The following GLDN variants were observed in gnomAD, a reference collection of about 807,000 sequenced individuals.
GLDN encodes the protein gliomedin, also known as collomin.
Under a neutral mutation model 56.5 loss-of-function variants are expected in GLDN, and 47 were observed. The observed-to-expected ratio is 0.83, with a 90% CI of 0.66 to 1.06. The LOEUF is 1.06. Among genes scored for constraint, GLDN ranks in the 50% least tolerant of loss-of-function variants. GLDN has a pLI of 0.00. For synonymous variants in GLDN, 332 were observed against 278.8 expected, an observed-to-expected ratio of 1.19 and a Z score of -1.90; for missense variants, 782 against 714.3, an observed-to-expected ratio of 1.09 and a Z score of -1.08.
chr15:51,358,059 G>T (rs145241543), intron 1 of GLDN, among the ~76,000 whole-genome samples: 12 of 152,304 alleles, frequency 7.9e-5, no homozygotes, highest in African/African-American at 2.9e-4. Context: ...ACTTACTCCA[G>T]ATTATAGAGG....
intron 1 of GLDN, among the ~76,000 whole-genome samples, chr15:51,351,348 C>G (rs1416742377): frequency 2.0e-5 from 3 of 152,166 alleles, no homozygotes; most frequent in African/African-American, 7.2e-5. Flanking sequence ...CTGCCTTTCC[C>G]TCAATCTTCC....
chr15:51,394,255 C>T (rs56673941), intron 4 of GLDN, among the ~76,000 whole-genome samples: 5,794 of 152,286 alleles, frequency 0.038, 193 homozygotes, highest in African/African-American at 0.091. Flanking sequence ...ACTGTTGCTG[C>T]CATCGCCCCC....
At chr15:51,383,669 G>C in intron 3 of GLDN, 116 bp from the exon 4 acceptor site, 1 of 939,876 alleles carries the variant, frequency 1.1e-6, no homozygotes, top group Non-Finnish European at 1.6e-6. Context: ...GGGAAAGGAT[G>C]TGGAAAAGGA....
chr15:51,391,843 T>C (rs1182378756), intron 4 of GLDN, among the ~76,000 whole-genome samples: 1 of 152,256 alleles, frequency 6.6e-6, no homozygotes, highest in Non-Finnish European at 1.5e-5. Context: ...GCTCCCCCAG[T>C]TCCACTGGAC....
intron 4 of GLDN, among the ~76,000 whole-genome samples, chr15:51,391,650 G>A (rs1176931641): frequency 6.6e-6 from 1 of 152,200 alleles, no homozygotes; most frequent in Non-Finnish European, 1.5e-5. Context: ...CACCAAGATG[G>A]CCTGATGACT....
In GLDN at chr15:51,404,662, T is replaced by A. The variant is rs752106265; in HGVS notation, c.1564T>A (p.Tyr522Asn). 2 of 1,611,846 alleles carry A rather than the reference T, an allele frequency of 1.2e-6. No individual in the cohort carries two copies. Among genetic ancestry groups the A allele is most frequent in the Non-Finnish European group, 1.7e-6 (2 of 1,177,842 alleles). The change falls in exon 10 of 10, where the codon TAC becomes AAC. Residue 522 changes from tyrosine (Y) to asparagine (N), a missense_variant. By Grantham distance (143) the Tyr-to-Asn change is moderately radical. Transcript: ENST00000335449. ...TSQSVLAMLA[Y>N]NMRDQHLYSW... ...CCAGTCTGTTCTTGCCATGTTAGCATACAACATGAGAGATCAGCATTTATA... is the reference window on the plus strand; with the variant it reads ...CCAGTCTGTTCTTGCCATGTTAGCAAACAACATGAGAGATCAGCATTTATA...
chr15:51,353,209 C>T (rs1325269170), intron 1 of GLDN, among the ~76,000 whole-genome samples: 1 of 152,000 alleles, frequency 6.6e-6, no homozygotes, highest in African/African-American at 2.4e-5. Flanking sequence ...TCATCCCTGA[C>T]CCAACCAATC....
At chr15:51,391,105 A>G (rs1249561839) in intron 4 of GLDN, among the ~76,000 whole-genome samples, 1 of 152,228 alleles carries the variant, frequency 6.6e-6, no homozygotes, top group Non-Finnish European at 1.5e-5. Context: ...GGCAGACTCT[A>G]TGTAGACAAA....
chr15:51,342,942 G>A (rs1303854868), intron 1 of GLDN, among the ~76,000 whole-genome samples: 2 of 152,198 alleles, frequency 1.3e-5, no homozygotes, highest in Non-Finnish European at 1.5e-5. Flanking sequence ...TTGTTTTCCA[G>A]TGTTAAGTTT....
At position 51,404,833 on chromosome 15, in the gene GLDN, T is replaced by G; in HGVS notation, c.*79T>G. The stretch of plus-strand genomic sequence containing the variant: ...CTCCCCCAACAGGAAACTTGTTTTT[T>G]TAACGTCAGCCAGATATTTAGAAAA... On this transcript the variant is annotated 3_prime_UTR_variant, in exon 10 of 10. Coordinates refer to ENST00000335449, the MANE Select transcript of GLDN (RefSeq NM_181789.4). 5.4e-6 allele frequency: 4 copies of G among 734,100 alleles called. No individual in the cohort carries two copies. The highest frequency in any genetic ancestry group is 9.4e-6 in the Non-Finnish European group (4 of 425,480). The allele number at this position is 734,100 out of a possible 1,614,324, so 45.5% of individuals were successfully genotyped here.
chr15:51,363,653 T>C (rs1407039837), intron 1 of GLDN, among the ~76,000 whole-genome samples: 4 of 151,842 alleles, frequency 2.6e-5, no homozygotes, highest in Non-Finnish European at 5.9e-5. Context: ...CAATAGATAA[T>C]AGGACCCTAA....
chr15:51,364,450 G>A (rs1463890466), intron 1 of GLDN, among the ~76,000 whole-genome samples: 2 of 152,088 alleles, frequency 1.3e-5, no homozygotes, highest in South Asian at 2.1e-4. Context: ...CACAATCATA[G>A]CTCACTGCAG....
Position 51,404,717 on chromosome 15 carries a change from A to C in GLDN, c.1619A>C (p.Tyr540Ser), listed in dbSNP as rs1340069788. 6.2e-7 allele frequency: 1 copy of C among 1,607,946 alleles called. No individual in the cohort carries two copies. ...YSWEDGHLML[Y>S]PVQFLSTTLN... ...TGGGAAGATGGCCATTTAATGCTTT[A>C]TCCTGTGCAGTTTTTGTCAACTACC... is the stretch of plus-strand genomic sequence containing the variant. The change falls in exon 10 of 10, where the codon TAT becomes TCT. Residue 540 changes from tyrosine to serine, a missense_variant. Coordinates refer to ENST00000335449, the MANE Select transcript of GLDN (RefSeq NM_181789.4).
chr15:51,361,266 T>C (rs937649602), intron 1 of GLDN, among the ~76,000 whole-genome samples: 1 of 152,236 alleles, frequency 6.6e-6, no homozygotes, highest in African/African-American at 2.4e-5. Flanking sequence ...TTCTACAATT[T>C]TGGCCTCTAA....
intron 1 of GLDN, chr15:51,368,912 A>G (rs12442627): frequency 0.12 from 17,758 of 152,210 alleles, 1,969 homozygotes; most frequent in African/African-American, 0.29. Flanking sequence ...GCAGGGAATC[A>G]GTAAGAGCTA....
chr15:51,353,734 A>AAAAAAAAAAC lies in GLDN; in HGVS notation c.363+11687_363+11688insAAAAAAAAAC, dbSNP rs60404846. Among the ~76,000 whole-genome samples, 41 of 128,876 alleles carry AAAAAAAAAAC rather than the reference A, an allele frequency of 3.2e-4. 4 individuals carry two copies. The East Asian group carries it at 8.9e-3, about 28-fold the overall frequency. The allele number at this position is 128,876 out of a possible 152,430, so 84.5% of individuals were successfully genotyped here. On this transcript the variant is annotated intron_variant, in intron 1 of 9. Coordinates refer to ENST00000335449, the MANE Select transcript of GLDN (RefSeq NM_181789.4). Reference sequence around the variant, plus strand: ...TTGATTAAAAAAAAAAAAAAAAAAAACCACAGTCAATTAAAAAAAAAAAAA... The same window carrying AAAAAAAAAAC: ...TTGATTAAAAAAAAAAAAAAAAAAAAAAAAAAAAACCCACAGTCAATTAAAAAAAAAAAAA...
At chr15:51,372,861 C>A (rs901439979) in intron 1 of GLDN, among the ~76,000 whole-genome samples, 2 of 152,102 alleles carry the variant, frequency 1.3e-5, no homozygotes, top group African/African-American at 4.8e-5. Context: ...AAATTTATTT[C>A]TCATAATTCT....
At chr15:51,408,735 A>G (rs915897567), downstream of GLDN, among the ~76,000 whole-genome samples, 1 of 152,022 alleles carries the variant, frequency 6.6e-6, no homozygotes, top group Non-Finnish European at 1.5e-5. Context: ...CCTGTGTCCA[A>G]GTGTTCTCAT....
chr15:51,401,972 C>T (rs1164088825), intron 9 of GLDN, among the ~76,000 whole-genome samples: 2 of 152,150 alleles, frequency 1.3e-5, no homozygotes, highest in African/African-American at 2.4e-5. Flanking sequence ...CTGGACAGCC[C>T]GAGGAAGGTC....
Sources: gnomAD v4.1 joint callset for allele counts (sites outside exome capture counted in the v4.1 genomes callset) on GRCh38, gnomAD v4.1.1 for gene constraint, MANE v1.5 for transcripts, NCBI Gene and HGNC (gene_info 2026-07-23, HGNC 2026-07-21) for gene names.